MAP3K1: variants seen among roughly 807,000 people sequenced by gnomAD.
MAP3K1 encodes MAP/ERK kinase kinase 1.
Under a neutral mutation model 144.2 loss-of-function variants are expected in MAP3K1, and 36 were observed. The ratio of observed to expected loss-of-function variants is 0.25; its 90% CI spans 0.19 to 0.33. The LOEUF (loss-of-function observed/expected upper bound fraction) is 0.33. MAP3K1 is among the 10% of genes least tolerant of loss of function. The pLI is 1.00. For missense variants in MAP3K1, 1,650 were observed against 1,881.9 expected (o/e 0.88, Z 2.28); for synonymous variants, 718 against 688.7 (o/e 1.04, Z -0.67).
In MAP3K1 at chr5:56,816,054, G is replaced by A; in HGVS notation, c.481G>A (p.Gly161Ser). ...AEPSPAAAPAGREMENKETLK... is the reference protein window; with the variant it reads ...AEPSPAAAPASREMENKETLK... The stretch of plus-strand genomic sequence containing the variant: ...GCCGTCTCCTGCAGCGGCCCCCGCC[G>A]GGTGAGCAGCACGGCCGGGGTCGCG... The change falls in exon 1 of 20, where the codon GGT (glycine) becomes AGT (serine). Residue 161 changes from glycine (G) to serine (S), a missense_variant and splice_region_variant. Gly to Ser is a moderately conservative substitution (Grantham distance 56, BLOSUM62 0). Around this residue, in one of 6 missense-constraint regions of MAP3K1, gnomAD observed 360 missense variants for 274.7 expected, o/e 1.31. Transcript: ENST00000399503. The A allele has an allele frequency of 2.5e-6, 3 of 1,212,746 alleles. No individual in the cohort carries two copies. The highest frequency in any genetic ancestry group is 3.1e-6 in the Non-Finnish European group (3 of 976,940). The allele number at this position is 1,212,746 out of a possible 1,614,324, so 75.1% of individuals were successfully genotyped here.
chr5:56,853,491 T>G (rs540857658), intron 1 of MAP3K1, among the ~76,000 whole-genome samples: 1 of 152,322 alleles, frequency 6.6e-6, no homozygotes, highest in African/African-American at 2.4e-5. Context: ...ATGTTCATAC[T>G]TATTATGAGC....
intron 3 of MAP3K1, among the ~76,000 whole-genome samples, chr5:56,862,779 T>G (rs1277011754): frequency 3.4e-5 from 2 of 59,310 alleles, no homozygotes; most frequent in Non-Finnish European, 9.1e-5. Flanking sequence ...TTTGTTTGTT[T>G]TTACTTTTTA....
At chr5:56,880,020 A>G (rs1233231656) in intron 11 of MAP3K1, among the ~76,000 whole-genome samples, 3 of 152,174 alleles carry the variant, frequency 2.0e-5, no homozygotes, top group Admixed American at 6.5e-5. Context: ...TTTTGCCTCT[A>G]TTGTTTTCTC....
At chr5:56,884,386 A>G (rs2111953602) in intron 15 of MAP3K1, among the ~76,000 whole-genome samples, 1 of 152,276 alleles carries the variant, frequency 6.6e-6, no homozygotes, top group South Asian at 2.1e-4. Flanking sequence ...AATCATGTTG[A>G]TTCTTCTCCC....
chr5:56,832,210 G>T (rs1746515280), intron 1 of MAP3K1, among the ~76,000 whole-genome samples: 1 of 152,068 alleles, frequency 6.6e-6, no homozygotes, highest in South Asian at 2.1e-4. Flanking sequence ...CTTTCAGAAG[G>T]GTAAAAATAA....
At chr5:56,828,197 G>A (rs544760465) in intron 1 of MAP3K1, among the ~76,000 whole-genome samples, 12 of 152,154 alleles carry the variant, frequency 7.9e-5, no homozygotes, top group Admixed American at 5.2e-4. Context: ...ATTTTCCCCT[G>A]TTATTTTGAA....
chr5:56,864,953 T>G lies in MAP3K1; in HGVS notation c.1035+19T>G. 6.2e-7 allele frequency: 1 copy of G among 1,609,316 alleles called. No individual in the cohort carries two copies. The highest frequency in any genetic ancestry group is 1.1e-5 in the South Asian group (1 of 90,990). ...GCCTCAGGTAGGATTCGTCACCATT[T>G]TATACTTTATTAGTAGTAGTATATG... On this transcript the variant is annotated intron_variant, in intron 4 of 19. Coordinates refer to ENST00000399503, the MANE Select transcript of MAP3K1 (RefSeq NM_005921.2).
chr5:56,829,774 TA>T (rs1746432608), intron 1 of MAP3K1, among the ~76,000 whole-genome samples: 1 of 152,180 alleles, frequency 6.6e-6, no homozygotes, highest in South Asian at 2.1e-4. Flanking sequence ...ATTCTCTAGG[TA>T]GTTGTGACTG....
chr5:56,836,444 G>A (rs763769053), intron 1 of MAP3K1, among the ~76,000 whole-genome samples: 1 of 152,090 alleles, frequency 6.6e-6, no homozygotes. Flanking sequence ...TTAGTTTTTA[G>A]AGAGTTAATT....
chr5:56,895,198 C>A lies in MAP3K1; in HGVS notation c.*1518C>A. 4.3e-6 allele frequency: 1 copy of A among 231,804 alleles called. No homozygotes were observed. Among genetic ancestry groups the A allele is most frequent in the East Asian group, 6.1e-5 (1 of 16,348 alleles). 14.4% of individuals were successfully genotyped at this position (231,804 alleles called of 1,614,324 possible). A position where few individuals can be genotyped will look rare whatever the true frequency, so the allele number is the denominator to read the frequency against. ...AAGATAAGTTTACAGGGATATATTG[C>A]TTACAATTTTTAAAAGGCAGTTTGT... On this transcript the variant is annotated 3_prime_UTR_variant, in exon 20 of 20. Coordinates refer to ENST00000399503, the MANE Select transcript of MAP3K1 (RefSeq NM_005921.2).
intron 1 of MAP3K1, among the ~76,000 whole-genome samples, chr5:56,845,950 G>T (rs43184): frequency 2.0e-5 from 3 of 152,086 alleles, no homozygotes; most frequent in East Asian, 1.9e-4. Flanking sequence ...GTTTCTCCCC[G>T]CAGGGAGATA....
At chr5:56,816,262 G>A (rs1286366924) in intron 1 of MAP3K1, among the ~76,000 whole-genome samples, 2 of 152,096 alleles carry the variant, frequency 1.3e-5, no homozygotes, top group Non-Finnish European at 2.9e-5. Context: ...ACGGGGACGT[G>A]CGGAAGAGTT....
At chr5:56,859,940 G>T (rs761164753) in intron 3 of MAP3K1, 25 bp downstream of exon 3, 1 of 1,554,092 alleles carries the variant, frequency 6.4e-7, no homozygotes, top group South Asian at 1.2e-5. Context: ...CAACAAATAT[G>T]TTAGTTTTTA....
intron 1 of MAP3K1, among the ~76,000 whole-genome samples, chr5:56,831,643 T>C (rs1746498375): frequency 6.6e-6 from 1 of 152,220 alleles, no homozygotes; most frequent in African/African-American, 2.4e-5. Context: ...ATTAATCCTT[T>C]TGAGTATTCT....
At position 56,881,321 on chromosome 5, in the gene MAP3K1, A is replaced by G. The variant is rs895380; in HGVS notation, c.2369+49A>G. 173,271 of 1,464,034 alleles carry G rather than the reference A, an allele frequency of 0.12. 13,282 individuals carry two copies. Among genetic ancestry groups the G allele is most frequent in the East Asian group, 0.33 (14,695 of 43,986 alleles). The allele number at this position is 1,464,034 out of a possible 1,614,324, so 90.7% of individuals were successfully genotyped here. On this transcript the variant is annotated intron_variant, in intron 13 of 19. Coordinates refer to ENST00000399503, the MANE Select transcript of MAP3K1 (RefSeq NM_005921.2). ...TTACTTGTATCTTCCTACCCTCCCTACACCCTCCTCAAGAATGACACATTT... is the reference window on the plus strand; with the variant it reads ...TTACTTGTATCTTCCTACCCTCCCTGCACCCTCCTCAAGAATGACACATTT...
In MAP3K1 at chr5:56,815,699, A is replaced by G. The variant is rs1435876839; in HGVS notation, c.126A>G (p.Gly42=). The part of the protein sequence containing the change: ...KASSAPAAAA[G]LLREAGSGGR... ...GCAGCGCGCCCGCGGCTGCCGCGGG[A>G]CTGCTGCGGGAGGCGGGCAGCGGGG... The change falls in exon 1 of 20, where the codon GGA becomes GGG. Residue 42 remains glycine, a synonymous_variant. Coordinates refer to ENST00000399503, the MANE Select transcript of MAP3K1 (RefSeq NM_005921.2). The G allele has an allele frequency of 7.5e-5, 99 of 1,320,266 alleles. No individual in the cohort carries two copies. Among genetic ancestry groups the G allele is most frequent in the Non-Finnish European group, 9.0e-5 (93 of 1,037,368 alleles). 81.8% of individuals were successfully genotyped at this position (1,320,266 alleles called of 1,614,324 possible).
intron 1 of MAP3K1, among the ~76,000 whole-genome samples, chr5:56,854,272 A>G (rs1271525476): frequency 6.6e-6 from 1 of 151,994 alleles, no homozygotes; most frequent in African/African-American, 2.4e-5. Context: ...CATCTCTACT[A>G]AAAACACAAA....
chr5:56,840,709 C>G (rs897101591), intron 1 of MAP3K1, among the ~76,000 whole-genome samples: 1 of 152,062 alleles, frequency 6.6e-6, no homozygotes, highest in Non-Finnish European at 1.5e-5. Flanking sequence ...ACAGAGAGCT[C>G]TGGCCTGAAG....
chr5:56,853,185 A>G (rs1031946910), intron 1 of MAP3K1, among the ~76,000 whole-genome samples: 1 of 152,190 alleles, frequency 6.6e-6, no homozygotes, highest in Non-Finnish European at 1.5e-5. Flanking sequence ...CAGTTAAATT[A>G]TAATAACTTT....
Sources: allele counts gnomAD v4.1 joint callset (sites outside exome capture counted in the v4.1 genomes callset), GRCh38; gene constraint gnomAD v4.1.1; regional missense constraint gnomAD v4.1.1; transcripts MANE v1.5; gene names NCBI Gene and HGNC (gene_info 2026-07-23, HGNC 2026-07-21).